The following PCSK5 variants were observed in gnomAD, a reference collection of about 807,000 sequenced individuals.
PCSK5 encodes the protein prohormone convertase 5.
PCSK5 carries 129 observed loss-of-function variants against 233.2 expected under a neutral mutation model. The ratio of observed to expected loss-of-function variants is 0.55; its 90% CI spans 0.48 to 0.64. The LOEUF (loss-of-function observed/expected upper bound fraction) is 0.64. Among genes scored for constraint, PCSK5 ranks in the 30% least tolerant of loss-of-function variants. The pLI is 0.00. For missense variants in PCSK5, 2,076 were observed against 2,430.1 expected (o/e 0.85, Z 3.06); for synonymous variants, 825 against 879.2 (o/e 0.94, Z 1.09).
chr9:75,924,210 A>C (rs1056112501), intron 1 of PCSK5, among the ~76,000 whole-genome samples: 1 of 152,166 alleles, frequency 6.6e-6, no homozygotes, highest in African/African-American at 2.4e-5. Flanking sequence ...GAGCACCCTG[A>C]TTTAAAAATA....
intron 5 of PCSK5, among the ~76,000 whole-genome samples, chr9:76,042,360 G>A (rs542750398): frequency 6.6e-6 from 1 of 152,260 alleles, no homozygotes; most frequent in South Asian, 2.1e-4. Context: ...TCAACTAAAA[G>A]TTTCAGGCCA....
At chr9:76,034,670 TC>T (rs1444386185) in intron 5 of PCSK5, among the ~76,000 whole-genome samples, 2 of 152,156 alleles carry the variant, frequency 1.3e-5, no homozygotes, top group African/African-American at 4.8e-5. Flanking sequence ...GAGCTGGTTA[TC>T]CCTCCAATCA....
At chr9:76,278,274 A>C (rs1827752868) in intron 24 of PCSK5, among the ~76,000 whole-genome samples, 1 of 151,334 alleles carries the variant, frequency 6.6e-6, no homozygotes, top group Admixed American at 6.6e-5. Flanking sequence ...AATCTTTTTC[A>C]AGGAGATTAT....
chr9:76,222,370 A>G (rs909552368), intron 20 of PCSK5, among the ~76,000 whole-genome samples: 2 of 152,160 alleles, frequency 1.3e-5, no homozygotes, highest in African/African-American at 4.8e-5. Flanking sequence ...TATATTTACC[A>G]TTTTAACTAT....
At chr9:76,269,057 G>T (rs1396365815) in intron 24 of PCSK5, among the ~76,000 whole-genome samples, 1 of 152,152 alleles carries the variant, frequency 6.6e-6, no homozygotes, top group African/African-American at 2.4e-5. Flanking sequence ...GGTCAAGTGG[G>T]CCAGCTGGGG....
At chr9:76,043,502 CTGAAAGGAAATTA>C (rs1161337270) in intron 5 of PCSK5, among the ~76,000 whole-genome samples, 1 of 151,988 alleles carries the variant, frequency 6.6e-6, no homozygotes, top group African/African-American at 2.4e-5. Context: ...TCTTAGGCCT[CTGAAAGGAAATTA>C]TGAATTAACC....
chr9:76,200,037 T>C (rs1379104607), intron 20 of PCSK5, among the ~76,000 whole-genome samples: 1 of 152,170 alleles, frequency 6.6e-6, no homozygotes, highest in African/African-American at 2.4e-5. Context: ...CAAACCACCA[T>C]TGTTGCCATC....
chr9:76,225,583 C>T (rs375404884), intron 20 of PCSK5, among the ~76,000 whole-genome samples: 1 of 152,128 alleles, frequency 6.6e-6, no homozygotes, highest in South Asian at 2.1e-4. Context: ...TCACCCTGCT[C>T]AATTGATTGT....
intron 28 of PCSK5, 118 bp from the exon 29 acceptor site, chr9:76,308,527 A>C: frequency 1.4e-6 from 1 of 691,138 alleles, no homozygotes; most frequent in Non-Finnish European, 2.6e-6. Flanking sequence ...GTACAATCAA[A>C]AGGATTCCAT....
intron 12 of PCSK5, among the ~76,000 whole-genome samples, chr9:76,167,987 T>C (rs959889042): frequency 1.3e-5 from 2 of 152,226 alleles, no homozygotes; most frequent in African/African-American, 4.8e-5. Flanking sequence ...TTTTATTTTT[T>C]TCAGTGAAAT....
At chr9:75,942,488 A>G (rs1824356986) in intron 2 of PCSK5, among the ~76,000 whole-genome samples, 1 of 152,178 alleles carries the variant, frequency 6.6e-6, no homozygotes, top group Non-Finnish European at 1.5e-5. Context: ...CTCAAACATT[A>G]TTTCTCTCTG....
At chr9:75,958,005 A>G (rs1825170681) in intron 2 of PCSK5, among the ~76,000 whole-genome samples, 1 of 152,232 alleles carries the variant, frequency 6.6e-6, no homozygotes, top group Admixed American at 6.5e-5. Context: ...CAGAGGAAAG[A>G]ACAATGACTT....
intron 24 of PCSK5, among the ~76,000 whole-genome samples, chr9:76,284,233 G>A (rs1827979989): frequency 2.0e-5 from 3 of 151,898 alleles, no homozygotes; most frequent in Admixed American, 2.0e-4. Context: ...ATATGGTTTG[G>A]CTGTGTCCTC....
At chr9:76,294,998 A>T (rs1214466149) in intron 25 of PCSK5, among the ~76,000 whole-genome samples, 1 of 152,032 alleles carries the variant, frequency 6.6e-6, no homozygotes, top group Non-Finnish European at 1.5e-5. Flanking sequence ...GGAAAAAAAT[A>T]CAAAAATTAG....
intron 5 of PCSK5, among the ~76,000 whole-genome samples, chr9:76,060,779 T>C (rs1419633363): frequency 6.6e-6 from 1 of 152,130 alleles, no homozygotes; most frequent in East Asian, 1.9e-4. Flanking sequence ...TGTGATCAAA[T>C]ACCTAAGATT....
chr9:76,266,421 C>T (rs1827334748), intron 24 of PCSK5, among the ~76,000 whole-genome samples: 1 of 152,180 alleles, frequency 6.6e-6, no homozygotes. Flanking sequence ...TCACAGAGGT[C>T]TCCAAATGTT....
chr9:76,117,228 G>A (rs1832462970), intron 9 of PCSK5, among the ~76,000 whole-genome samples: 1 of 152,082 alleles, frequency 6.6e-6, no homozygotes, highest in African/African-American at 2.4e-5. Context: ...AGAGCTGCCA[G>A]GAACAGTCAA....
intron 3 of PCSK5, among the ~76,000 whole-genome samples, chr9:75,988,426 TGC>T (rs1432348033): frequency 6.6e-6 from 1 of 151,794 alleles, no homozygotes; most frequent in Admixed American, 6.6e-5. Context: ...GGACTATAGG[TGC>T]GCACCACCAT....
chr9:76,237,889 C>T (rs112272586), intron 22 of PCSK5, among the ~76,000 whole-genome samples: 5 of 152,274 alleles, frequency 3.3e-5, no homozygotes, highest in African/African-American at 7.2e-5. Context: ...GGCAATTTCA[C>T]GTGGGTCAAT....
Sources: allele counts gnomAD v4.1 joint callset (sites outside exome capture counted in the v4.1 genomes callset), GRCh38; gene constraint gnomAD v4.1.1; transcripts MANE v1.5; gene names NCBI Gene and HGNC (gene_info 2026-07-23, HGNC 2026-07-21).